The following TOP6BL variants were observed in gnomAD, a reference collection of about 807,000 sequenced individuals.
The protein encoded by TOP6BL is type 2 DNA topoisomerase 6 subunit B-like.
chr11:66,752,534 C>T, the TOP6BL span, among the ~76,000 whole-genome samples: 1 of 152,006 alleles, frequency 6.6e-6, no homozygotes, highest in African/African-American at 2.4e-5. Flanking sequence ...TTACTGCAAC[C>T]TCCGCCTCCC....
chr11:66,843,426 T>C, the TOP6BL span: 1 of 1,393,922 alleles, frequency 7.2e-7, no homozygotes, highest in Non-Finnish European at 9.2e-7. Flanking sequence ...TGGGACTGCG[T>C]CACTGGTGCG....
At chr11:66,839,015 G>C in the TOP6BL span, 1 of 409,058 alleles carries the variant, frequency 2.4e-6, no homozygotes, top group Non-Finnish European at 5.0e-6. Context: ...ACAGGCGTGA[G>C]CCACCGCGCC....
the TOP6BL span, chr11:66,759,176 G>T: frequency 1.1e-6 from 1 of 939,344 alleles, no homozygotes; most frequent in Non-Finnish European, 1.5e-6. Flanking sequence ...AATTTATAAT[G>T]AAAGAAAGAG....
the TOP6BL span, among the ~76,000 whole-genome samples, chr11:66,822,170 C>T: frequency 1.3e-5 from 2 of 152,200 alleles, no homozygotes; most frequent in African/African-American, 4.8e-5. Context: ...TTTCTACATC[C>T]ATCCATCCTG....
At chr11:66,800,801 A>G in the TOP6BL span, 1 of 1,105,774 alleles carries the variant, frequency 9.0e-7, no homozygotes, top group Non-Finnish European at 1.3e-6. Context: ...ATCTTGACCC[A>G]AAGTCACCTT....
the TOP6BL span, among the ~76,000 whole-genome samples, chr11:66,780,894 G>T: frequency 6.6e-6 from 1 of 152,074 alleles, no homozygotes; most frequent in African/African-American, 2.4e-5. Context: ...GGCCTTTATT[G>T]TTTATGGTAA....
the TOP6BL span, among the ~76,000 whole-genome samples, chr11:66,833,701 A>G: frequency 1.3e-5 from 2 of 152,056 alleles, no homozygotes; most frequent in South Asian, 4.1e-4. Context: ...TAATCTCAGC[A>G]CTTTGGGAGG....
chr11:66,813,794 T>C, the TOP6BL span: 1 of 1,441,084 alleles, frequency 6.9e-7, no homozygotes, highest in South Asian at 1.2e-5. Flanking sequence ...GTCAGTGTTG[T>C]TTGTTTGTTA....
the TOP6BL span, chr11:66,744,832 G>GGCA: frequency 7.5e-7 from 1 of 1,327,536 alleles, no homozygotes; most frequent in Admixed American, 3.4e-5. Flanking sequence ...CGGCGGCGGC[G>GGCA]GCGGCGGCGG....
the TOP6BL span, among the ~76,000 whole-genome samples, chr11:66,771,846 GA>G: frequency 7.9e-5 from 12 of 152,190 alleles, no homozygotes; most frequent in Admixed American, 7.9e-4. Flanking sequence ...ATTGAAGCAA[GA>G]GACAGATGGG....
chr11:66,819,469 C>T, the TOP6BL span, among the ~76,000 whole-genome samples: 1 of 152,322 alleles, frequency 6.6e-6, no homozygotes, highest in East Asian at 1.9e-4. Context: ...GTACAGTGTA[C>T]ATTTCAAAAC....
the TOP6BL span, among the ~76,000 whole-genome samples, chr11:66,823,550 G>T: frequency 6.6e-6 from 1 of 151,970 alleles, no homozygotes; most frequent in East Asian, 1.9e-4. Flanking sequence ...GCTGGGTGTG[G>T]TGGCTCATGC....
chr11:66,801,167 T>C, the TOP6BL span: 15 of 1,514,338 alleles, frequency 9.9e-6, no homozygotes, highest in South Asian at 1.7e-4. Context: ...CGAATGTGGG[T>C]AGAAATTGGA....
At chr11:66,762,731 A>G in the TOP6BL span, among the ~76,000 whole-genome samples, 1 of 152,162 alleles carries the variant, frequency 6.6e-6, no homozygotes, top group African/African-American at 2.4e-5. Flanking sequence ...GGCCTGCCAA[A>G]GTGCTGGGAT....
At chr11:66,746,929 G>A in the TOP6BL span, among the ~76,000 whole-genome samples, 1 of 151,778 alleles carries the variant, frequency 6.6e-6, no homozygotes. Context: ...AATTTGTCTC[G>A]AATAAATGTG....
At chr11:66,757,853 G>A in the TOP6BL span, among the ~76,000 whole-genome samples, 3 of 152,172 alleles carry the variant, frequency 2.0e-5, no homozygotes, top group Admixed American at 2.0e-4. Context: ...TTCTCAAAGT[G>A]CTGGGATTAC....
chr11:66,821,786 C>T, the TOP6BL span: 3 of 1,611,062 alleles, frequency 1.9e-6, no homozygotes, highest in Non-Finnish European at 2.5e-6. Flanking sequence ...TTCACAGCCT[C>T]TTTTCTCCTA....
chr11:66,835,030 C>T, the TOP6BL span, among the ~76,000 whole-genome samples: 4 of 36,106 alleles, frequency 1.1e-4, no homozygotes, highest in Middle Eastern at 0.019. Flanking sequence ...TCCGGCGGGT[C>T]GGGGGAGGGG....
At chr11:66,749,177 A>G in the TOP6BL span, among the ~76,000 whole-genome samples, 2 of 152,138 alleles carry the variant, frequency 1.3e-5, no homozygotes, top group Admixed American at 1.3e-4. Context: ...TAGGCTTTAC[A>G]AGACATTTGC....
Sources: gnomAD v4.1 joint callset for allele counts (sites outside exome capture counted in the v4.1 genomes callset) on GRCh38, gnomAD v4.1.1 for gene constraint, MANE v1.5 for transcripts, NCBI Gene and HGNC (gene_info 2026-07-23, HGNC 2026-07-21) for gene names.